The following RBFOX3 variants were observed in gnomAD, a reference collection of about 807,000 sequenced individuals.
RBFOX3 encodes the protein RNA binding protein fox-1 homolog 3.
In RBFOX3, 17 loss-of-function variants were observed where a neutral mutation model predicts 48.7. That is an observed-to-expected ratio of 0.35 (90% confidence interval 0.24 to 0.52). RBFOX3 has a LOEUF of 0.52. Among genes scored for constraint, RBFOX3 ranks in the 20% least tolerant of loss-of-function variants. RBFOX3 has a pLI of 0.94. For synonymous variants in RBFOX3, 212 were observed against 209.5 expected, an observed-to-expected ratio of 1.01 and a Z score of -0.10; for missense variants, 382 against 497.5, an observed-to-expected ratio of 0.77 and a Z score of 2.21.
rs1382220117 is a variant in RBFOX3 at position 79,535,447 on chromosome 17, AG to A, written c.-319-52850del. 2.0e-5 allele frequency among the ~76,000 whole-genome samples: 3 copies of A among 152,098 alleles called. No individual in the cohort carries two copies. The highest frequency in any genetic ancestry group is 7.2e-5 in the African/African-American group (3 of 41,430). ...TACCTGTCCTCCGGAGAGTGTCACA[AG>A]GGGACAGCGGCCTCCAATCTCCCGA... On this transcript the variant is annotated intron_variant, in intron 1 of 14. Coordinates refer to ENST00000693108, the MANE Select transcript of RBFOX3 (RefSeq NM_001350451.2). The surrounding 1 kb of genome is among the most constrained non-coding windows in gnomAD (Gnocchi z 4.5).
chr17:79,435,734 T>C (rs566661020), intron 2 of RBFOX3, among the ~76,000 whole-genome samples: 2 of 152,348 alleles, frequency 1.3e-5, no homozygotes, highest in Non-Finnish European at 2.9e-5. Context: ...TTTGCATTTG[T>C]TAGTTCACAG....
At chr17:79,168,559 C>T (rs1446670494) in intron 4 of RBFOX3, among the ~76,000 whole-genome samples, 1 of 152,248 alleles carries the variant, frequency 6.6e-6, no homozygotes, top group Non-Finnish European at 1.5e-5. Context: ...GTGTCCTCAC[C>T]CCCACTGGTC....
chr17:79,656,811 G>A, the RBFOX3 span, among the ~76,000 whole-genome samples: 155 of 50,932 alleles, frequency 3.0e-3, 2 homozygotes, highest in Non-Finnish European at 4.7e-3. Context: ...AGAAAGAAAA[G>A]AAAGAGAAAG....
At chr17:79,382,032 C>T (rs146747885) in intron 2 of RBFOX3, among the ~76,000 whole-genome samples, 2 of 152,342 alleles carry the variant, frequency 1.3e-5, no homozygotes, top group East Asian at 3.9e-4. Flanking sequence ...AACAGAGCCC[C>T]CCAGGGCATG....
intron 3 of RBFOX3, among the ~76,000 whole-genome samples, chr17:79,306,828 G>T (rs1167895130): frequency 2.0e-5 from 3 of 152,216 alleles, no homozygotes; most frequent in African/African-American, 7.2e-5. Flanking sequence ...TGCCATGCCT[G>T]ATCCTCAGAC....
At chr17:79,300,611 C>T (rs917779878) in intron 3 of RBFOX3, among the ~76,000 whole-genome samples, 78 of 152,170 alleles carry the variant, frequency 5.1e-4, no homozygotes, top group African/African-American at 1.6e-3. Flanking sequence ...GCTGGGGCAA[C>T]GTGGACTGGC....
chr17:79,135,392 C>A (rs2039955959), intron 4 of RBFOX3, among the ~76,000 whole-genome samples: 1 of 152,184 alleles, frequency 6.6e-6, no homozygotes, highest in Non-Finnish European at 1.5e-5. Context: ...GCCTCTCCTC[C>A]AGCAGGACAC....
chr17:79,604,518 C>A (rs2093783707), intron 1 of RBFOX3, among the ~76,000 whole-genome samples: 1 of 152,186 alleles, frequency 6.6e-6, no homozygotes, highest in Non-Finnish European at 1.5e-5. Context: ...AAGAGGTCAC[C>A]AGCAGGTGCT....
intron 4 of RBFOX3, among the ~76,000 whole-genome samples, chr17:79,222,722 T>C (rs1447046582): frequency 6.6e-6 from 1 of 152,200 alleles, no homozygotes; most frequent in Non-Finnish European, 1.5e-5. Context: ...GTCCCTGCCC[T>C]GGGCACACAG....
At chr17:79,162,230 G>C (rs2047123150) in intron 4 of RBFOX3, among the ~76,000 whole-genome samples, 1 of 152,232 alleles carries the variant, frequency 6.6e-6, no homozygotes, top group Non-Finnish European at 1.5e-5. Context: ...ATGGCCCACA[G>C]ACATTGTTTA....
chr17:79,401,109 G>A (rs2062745251), intron 2 of RBFOX3, among the ~76,000 whole-genome samples: 2 of 152,360 alleles, frequency 1.3e-5, no homozygotes, highest in Non-Finnish European at 2.9e-5. Context: ...AGTCAGCCAC[G>A]CTGGTGCTCG....
chr17:79,241,601 G>T (rs1025943423), intron 3 of RBFOX3, among the ~76,000 whole-genome samples: 1 of 152,170 alleles, frequency 6.6e-6, no homozygotes, highest in African/African-American at 2.4e-5. Flanking sequence ...GTTTGTGCGG[G>T]AGGAAGCTTG....
chr17:79,369,118 C>T (rs2147541668), intron 2 of RBFOX3, among the ~76,000 whole-genome samples: 1 of 152,306 alleles, frequency 6.6e-6, no homozygotes, highest in East Asian at 1.9e-4. Flanking sequence ...CTCACTGCGC[C>T]CAGTGCAGCT....
chr17:79,194,870 AGGTATATTGG>A (rs1374721981), intron 4 of RBFOX3, among the ~76,000 whole-genome samples: 1 of 151,978 alleles, frequency 6.6e-6, no homozygotes, highest in Non-Finnish European at 1.5e-5. Context: ...GATCATATTC[AGGTATATTGG>A]GTTACATAAA....
chr17:79,616,582 A>AACACACAC, the RBFOX3 span, among the ~76,000 whole-genome samples: 5,810 of 145,654 alleles, frequency 0.04, 170 homozygotes, highest in East Asian at 0.14. Flanking sequence ...TCTCTATACA[A>AACACACAC]ACACACACAC....
chr17:79,236,633 A>G (rs1476433114), intron 3 of RBFOX3, among the ~76,000 whole-genome samples: 1 of 152,176 alleles, frequency 6.6e-6, no homozygotes, highest in African/African-American at 2.4e-5. Flanking sequence ...CAATCGTTGT[A>G]TGTTATTGTG....
intron 3 of RBFOX3, among the ~76,000 whole-genome samples, chr17:79,305,060 C>T (rs1485830694): frequency 1.3e-5 from 2 of 152,338 alleles, no homozygotes; most frequent in Non-Finnish European, 2.9e-5. Context: ...TCAGAGGATG[C>T]TGTTTCAGCA....
chr17:79,101,525 C>T, intron 9 of RBFOX3, 59 bp downstream of exon 9: 2 of 1,449,412 alleles, frequency 1.4e-6, no homozygotes, highest in Non-Finnish European at 1.9e-6. Context: ...TCAGCTCCCC[C>T]AGGGCCTCTG....
intron 3 of RBFOX3, among the ~76,000 whole-genome samples, chr17:79,300,805 A>G (rs1176961547): frequency 2.0e-5 from 3 of 152,182 alleles, no homozygotes; most frequent in African/African-American, 7.2e-5. Flanking sequence ...TTGGTGAGGC[A>G]CCTGGGGCTG....
Sources: gnomAD v4.1 joint callset for allele counts (sites outside exome capture counted in the v4.1 genomes callset) on GRCh38, gnomAD v4.1.1 for gene constraint, Gnocchi (gnomAD v3.1) non-coding constraint, MANE v1.5 for transcripts, NCBI Gene and HGNC (gene_info 2026-07-23, HGNC 2026-07-21) for gene names.